STAB2: variants seen among roughly 807,000 people sequenced by gnomAD.
STAB2 encodes the protein stabilin 2.
A neutral mutation model predicts 338.1 loss-of-function variants in STAB2; 288 were observed. That is an observed-to-expected ratio of 0.85 (90% CI 0.77 to 0.94). STAB2 has a LOEUF of 0.94. STAB2 is among the 40% of genes least tolerant of loss of function. STAB2 has a pLI of 0.00. For missense variants in STAB2, 3,141 were observed against 3,210.1 expected (o/e 0.98, Z 0.52); for synonymous variants, 1,202 against 1,193.3 (o/e 1.01, Z -0.15).
intron 9 of STAB2, among the ~76,000 whole-genome samples, chr12:103,644,530 AAAATAAATAAATAAATAAATAAAT>A (rs58759684): frequency 3.5e-5 from 5 of 144,248 alleles, no homozygotes; most frequent in Admixed American, 6.9e-5. Flanking sequence ...ATGATCAATA[AAAATAAATAAATAAATAAATAAAT>A]AAATAAATAA....
intron 40 of STAB2, among the ~76,000 whole-genome samples, chr12:103,712,029 C>A (rs1470953598): frequency 6.6e-6 from 1 of 152,202 alleles, no homozygotes; most frequent in Admixed American, 6.5e-5. Context: ...ATCCGACTTG[C>A]CAGGGCTATT....
chr12:103,672,858 C>T lies in STAB2; in HGVS notation c.2372-1049C>T, dbSNP rs545507890. Among the ~76,000 whole-genome samples, 52 of 152,246 alleles carry T rather than the reference C, an allele frequency of 3.4e-4. 1 individual carries two copies. In the South Asian group the frequency reaches 8.5e-3, roughly 25 times the overall value. On this transcript the variant is annotated intron_variant, in intron 22 of 68. Coordinates refer to ENST00000388887, the MANE Select transcript of STAB2 (RefSeq NM_017564.10). ...AAATGCCAGTTCATATAATGATCTACGGTGTTTACACAGTCACGAACGGAA... is the reference window on the plus strand; with the variant it reads ...AAATGCCAGTTCATATAATGATCTATGGTGTTTACACAGTCACGAACGGAA...
chr12:103,761,475 AACCATT>A (rs1273681592), intron 66 of STAB2, 65 bp downstream of exon 66: 9 of 1,404,492 alleles, frequency 6.4e-6, no homozygotes, highest in Non-Finnish European at 9.0e-6. Flanking sequence ...CCAACAGGCA[AACCATT>A]ACCAGAAGCC....
At chr12:103,758,112 C>G (rs1884269357) in intron 63 of STAB2, 58 bp from the exon 64 acceptor site, 1 of 1,606,674 alleles carries the variant, frequency 6.2e-7, no homozygotes, top group Non-Finnish European at 8.5e-7. Context: ...CTTCTTCAGC[C>G]ACCCAGGTCC....
At chr12:103,655,645 C>G in intron 15 of STAB2, 64 bp downstream of exon 15, 2 of 1,582,236 alleles carry the variant, frequency 1.3e-6, no homozygotes, top group Non-Finnish European at 1.7e-6. Flanking sequence ...TGTGTCTAAA[C>G]AGGTTTTTCC....
At chr12:103,622,789 T>A (rs576013738) in intron 5 of STAB2, among the ~76,000 whole-genome samples, 1 of 152,308 alleles carries the variant, frequency 6.6e-6, no homozygotes. Context: ...TGATTCCCTC[T>A]CCCCAGGCTC....
chr12:103,685,222 G>T, intron 27 of STAB2, 138 bp downstream of exon 27: 1 of 794,148 alleles, frequency 1.3e-6, no homozygotes, highest in African/African-American at 1.7e-5. Flanking sequence ...TCTCACAGAT[G>T]ACATACATGC....
In STAB2 at chr12:103,648,728, C is replaced by T. The variant is rs200197044; in HGVS notation, c.1079C>T (p.Thr360Met). 18 of 1,613,998 alleles carry T rather than the reference C, an allele frequency of 1.1e-5. No individual in the cohort carries two copies. Among genetic ancestry groups the T allele is most frequent in the Middle Eastern group, 1.6e-4 (1 of 6,062 alleles). Residue 360 changes from threonine to methionine, a missense_variant, in exon 10 of 69, where the codon ACG becomes ATG. Coordinates refer to ENST00000388887, the MANE Select transcript of STAB2 (RefSeq NM_017564.10). Reference sequence around the variant, plus strand: ...AAAGGTTACGTGGGTGATGGCTTAACGTGTTATGGAAACATTATGGAGCGA... The same window carrying T: ...AAAGGTTACGTGGGTGATGGCTTAATGTGTTATGGAAACATTATGGAGCGA... ...CQKGYVGDGL[T>M]CYGNIMERLR...
At chr12:103,756,996 AATATATATAT>A (rs869105400) in intron 63 of STAB2, among the ~76,000 whole-genome samples, 17 of 56,358 alleles carry the variant, frequency 3.0e-4, no homozygotes, top group East Asian at 1.5e-3. Flanking sequence ...AAGGAGGGAA[AATATATATAT>A]ATATATATAT....
At chr12:103,700,390 AAAC>A (rs537611775) in intron 34 of STAB2, among the ~76,000 whole-genome samples, 233 of 152,374 alleles carry the variant, frequency 1.5e-3, no homozygotes, top group Non-Finnish European at 2.7e-3. Flanking sequence ...ATAATTTTAA[AAAC>A]AATTTCTTCA....
intron 24 of STAB2, 37 bp downstream of exon 24, chr12:103,676,058 C>CTTTTTTTTT: frequency 1.2e-5 from 8 of 669,382 alleles, no homozygotes; most frequent in East Asian, 4.3e-5. Flanking sequence ...TGCCTGGTTT[C>CTTTTTTTTT]TTTTTTTTTT....
intron 18 of STAB2, among the ~76,000 whole-genome samples, chr12:103,664,164 G>A (rs1302759749): frequency 1.6e-5 from 2 of 124,278 alleles, no homozygotes; most frequent in African/African-American, 2.8e-5. Flanking sequence ...TTTGTTTTGA[G>A]ACAGAGTCTC....
Position 103,749,067 on chromosome 12 carries a change from G to A in STAB2, c.6349G>A (p.Asp2117Asn). Residue 2117 changes from aspartate to asparagine, a missense_variant, in exon 59 of 69, where the codon GAC becomes AAC. Coordinates refer to ENST00000388887, the MANE Select transcript of STAB2 (RefSeq NM_017564.10). ...SCSCQKGYKG[D>N]GHSCTEIDPC... ...CAGCTGCCAGAAGGGATACAAAGGG[G>A]ACGGGCACAGCTGCACAGAGATAGA... 6.2e-7 allele frequency: 1 copy of A among 1,614,156 alleles called. No individual in the cohort carries two copies. The highest frequency in any genetic ancestry group is 1.3e-5 in the African/African-American group (1 of 75,038).
intron 9 of STAB2, among the ~76,000 whole-genome samples, chr12:103,646,676 G>T (rs1349847018): frequency 6.6e-6 from 1 of 152,168 alleles, no homozygotes; most frequent in Non-Finnish European, 1.5e-5. Flanking sequence ...CATCTTTGTA[G>T]CTCTCTTACC....
Position 103,758,165 on chromosome 12 carries a change from C to T in STAB2, c.6988-5C>T, listed in dbSNP as rs1211852099. On this transcript the variant is annotated splice_region_variant and splice_polypyrimidine_tract_variant and intron_variant, in intron 63 of 68. Transcript: ENST00000388887. ...CCCCTCTGATGACTTCCTTCTTCTC[C>T]CCAGGAAGTGCTGGCCTATTCCAAC... 6.2e-7 allele frequency: 1 copy of T among 1,614,006 alleles called. No homozygotes were observed. The highest frequency in any genetic ancestry group is 1.3e-5 in the African/African-American group (1 of 75,050).
intron 33 of STAB2, among the ~76,000 whole-genome samples, chr12:103,698,412 G>C (rs965393650): frequency 6.6e-6 from 1 of 152,090 alleles, no homozygotes; most frequent in Non-Finnish European, 1.5e-5. Context: ...CATCAAGAGG[G>C]TAAGAAGGTT....
Position 103,688,135 on chromosome 12 carries a change from CTCT to C in STAB2, c.2998-27_2998-25del, listed in dbSNP as rs754224092. On this transcript the variant is annotated intron_variant, in intron 27 of 68. Transcript: ENST00000388887. ...GTTCTTTCTCTGTGTTCTCTCCCAT[CTCT>C]TCTTCCCTCCCTTGCATGATATGAA... 9 of 1,603,702 alleles carry C rather than the reference CTCT, an allele frequency of 5.6e-6. No homozygotes were observed. The Admixed American group carries it at 1.5e-4, about 27-fold the overall frequency.
Position 103,638,231 on chromosome 12 carries a change from G to A in STAB2, c.906+19G>A, listed in dbSNP as rs752754487. ...TGGACAGGTGAGCAAATGATGCAGG[G>A]AACTGATGTATCTAGAAGTTTGACA... is the stretch of plus-strand genomic sequence containing the variant. On this transcript the variant is annotated intron_variant, in intron 8 of 68. Coordinates refer to ENST00000388887, the MANE Select transcript of STAB2 (RefSeq NM_017564.10). The A allele has an allele frequency of 1.3e-5, 21 of 1,602,062 alleles. No homozygotes were observed. The South Asian group carries it at 2.0e-4, about 15-fold the overall frequency.
intron 43 of STAB2, among the ~76,000 whole-genome samples, 160 bp from the exon 44 acceptor site, chr12:103,717,610 G>A (rs189282455): frequency 2.6e-5 from 4 of 152,258 alleles, no homozygotes; most frequent in African/African-American, 9.6e-5. Flanking sequence ...ATTAAACATA[G>A]GGTGACAATT....
Sources: allele counts gnomAD v4.1 joint callset (sites outside exome capture counted in the v4.1 genomes callset), GRCh38; gene constraint gnomAD v4.1.1; transcripts MANE v1.5; gene names NCBI Gene and HGNC (gene_info 2026-07-23, HGNC 2026-07-21).